Variants in AKAP11 observed in about 807,000 individuals in gnomAD.
AKAP11 encodes the protein A-kinase anchor protein 11.
AKAP11 carries 36 observed loss-of-function variants against 146.1 expected under a neutral mutation model. The ratio of observed to expected loss-of-function variants is 0.25; its 90% CI spans 0.19 to 0.33. The LOEUF is 0.33. Ranked by LOEUF, AKAP11 falls within the 10% of genes least tolerant of loss-of-function variation. AKAP11 has a pLI of 1.00. For missense variants in AKAP11, 2,201 were observed against 2,197.0 expected (o/e 1.00, Z -0.04); for synonymous variants, 780 against 786.5 (o/e 0.99, Z 0.14).
chr13:42,295,186 G>A (rs923543779), intron 4 of AKAP11, among the ~76,000 whole-genome samples: 2 of 152,308 alleles, frequency 1.3e-5, no homozygotes, highest in East Asian at 3.9e-4. Context: ...ACCATCCAAG[G>A]AAGAGAGATC....
rs1166002080 is a variant in AKAP11 at position 42,292,508 on chromosome 13, C to T, written c.168+7C>T. The stretch of plus-strand genomic sequence containing the variant: ...GCATGCCAATTTAACTGAGGTTTAA[C>T]ATACTACTTTCTAAACCCTTTCCTA... On this transcript the variant is annotated splice_region_variant and intron_variant, in intron 4 of 12. Transcript: ENST00000025301. 1 of 1,512,234 alleles carries T rather than the reference C, an allele frequency of 6.6e-7. No homozygotes were observed. The highest frequency in any genetic ancestry group is 9.1e-7 in the Non-Finnish European group (1 of 1,101,316). 93.7% of individuals were successfully genotyped at this position (1,512,234 alleles called of 1,614,324 possible).
intron 11 of AKAP11, among the ~76,000 whole-genome samples, chr13:42,314,394 G>A (rs141648947): frequency 0.021 from 3,133 of 147,382 alleles, 106 homozygotes; most frequent in African/African-American, 0.072. Context: ...GCAGTGAGCC[G>A]AGATCATGCC....
chr13:42,319,841 T>C lies in AKAP11; in HGVS notation c.*613T>C, dbSNP rs1961000966. 1.3e-5 allele frequency: 2 copies of C among 152,310 alleles called. No homozygotes were observed. Among genetic ancestry groups the C allele is most frequent in the Non-Finnish European group, 2.9e-5 (2 of 68,116 alleles). The allele number at this position is 152,310 out of a possible 1,614,324, so 9.4% of individuals were successfully genotyped here. ...TTTAGGTTTCTATAAACACTATAAG[T>C]GATAGTTTCCCCCATCCTTTCATTG... is the stretch of plus-strand genomic sequence containing the variant. On this transcript the variant is annotated 3_prime_UTR_variant, in exon 13 of 13. Transcript: ENST00000025301.
intron 11 of AKAP11, 150 bp downstream of exon 11, chr13:42,314,090 T>A: frequency 1.5e-6 from 1 of 686,020 alleles, no homozygotes; most frequent in East Asian, 2.8e-5. Context: ...GTTTGTCCAC[T>A]TTTAGATCCT....
rs879146023 is a variant in AKAP11, at chr13:42,300,720, C to T, written c.1974C>T (p.Gly658=). The T allele has an allele frequency of 6.2e-7, 1 of 1,614,076 alleles. No homozygotes were observed. The part of the protein sequence containing the change: ...ADLAEELVFE[G]IMEVCQFSYP... ...TTGCTGAAGAGCTTGTTTTTGAAGG[C>T]ATCATGGAGGTGTGTCAGTTTTCAT... The change falls in exon 8 of 13, where the codon GGC becomes GGT. Residue 658 remains glycine (G), a synonymous_variant. Coordinates refer to ENST00000025301, the MANE Select transcript of AKAP11 (RefSeq NM_016248.4).
chr13:42,302,842 C>G lies in AKAP11; in HGVS notation c.4096C>G (p.Gln1366Glu). The stretch of plus-strand genomic sequence containing the variant: ...TGGTAATAGTGAGTTGATAATGGAT[C>G]AGTATGCCAATAGGCTTGCCTACCG... ...EGGNSELIMDQYANRLAYRSV... is the reference protein window; with the variant it reads ...EGGNSELIMDEYANRLAYRSV... Residue 1366 changes from glutamine to glutamate, a missense_variant, in exon 8 of 13, where the codon CAG becomes GAG. Gln to Glu is a conservative substitution (Grantham distance 29). Coordinates refer to ENST00000025301, the MANE Select transcript of AKAP11 (RefSeq NM_016248.4). The G allele has an allele frequency of 6.2e-7, 1 of 1,613,958 alleles. No homozygotes were observed. The highest frequency in any genetic ancestry group is 8.5e-7 in the Non-Finnish European group (1 of 1,180,006).
rs1960396152 is a variant in AKAP11, at chr13:42,308,521, G to A, written c.5185G>A (p.Gly1729Ser). The stretch of plus-strand genomic sequence containing the variant: ...TAGCCAGCAGATGAACCTCAGTATT[G>A]GTGATGACAGCACTGGTAGCTGGTC... Reference protein sequence around the residue: ...VSSQQMNLSIGDDSTGSWSNL... With the variant: ...VSSQQMNLSISDDSTGSWSNL... The change falls in exon 9 of 13, where the codon GGT becomes AGT. Residue 1729 changes from glycine (G) to serine (S), a missense_variant. Around this residue, in one of 3 missense-constraint regions of AKAP11, gnomAD observed 1,867 missense variants for 1,833.5 expected, o/e 1.02. Coordinates refer to ENST00000025301, the MANE Select transcript of AKAP11 (RefSeq NM_016248.4). 1 of 1,612,964 alleles carries A rather than the reference G, an allele frequency of 6.2e-7. No homozygotes were observed. Among genetic ancestry groups the A allele is most frequent in the South Asian group, 1.1e-5 (1 of 90,988 alleles).
At chr13:42,272,753 C>T (rs1958808143) in intron 1 of AKAP11, among the ~76,000 whole-genome samples, 1 of 152,178 alleles carries the variant, frequency 6.6e-6, no homozygotes, top group African/African-American at 2.4e-5. Context: ...CGTCAAGGGG[C>T]TCCTCAGAGT....
chr13:42,275,319 A>T lies in AKAP11; in HGVS notation c.-100+3091A>T, dbSNP rs117616128. 1.2e-4 allele frequency among the ~76,000 whole-genome samples: 19 copies of T among 152,364 alleles called. No homozygotes were observed. The East Asian group carries it at 3.5e-3, about 28-fold the overall frequency. ...GATGCCAACATCAGACTCACTGACTATGCAACATGGTTCTCAGCAAACATC... is the reference window on the plus strand; with the variant it reads ...GATGCCAACATCAGACTCACTGACTTTGCAACATGGTTCTCAGCAAACATC... On this transcript the variant is annotated intron_variant, in intron 1 of 12. Transcript: ENST00000025301.
At position 42,288,736 on chromosome 13, in the gene AKAP11, A is replaced by C. The variant is rs117325181; in HGVS notation, c.51+2337A>C. On this transcript the variant is annotated intron_variant, in intron 3 of 12. Transcript: ENST00000025301. ...AAGAATTTTTCCTTTTTTTCTTTATATTCAATTCTGACATCTTGAATAGGC... is the reference window on the plus strand; with the variant it reads ...AAGAATTTTTCCTTTTTTTCTTTATCTTCAATTCTGACATCTTGAATAGGC... Among the ~76,000 whole-genome samples, 648 of 152,230 alleles carry C rather than the reference A, an allele frequency of 4.3e-3. 13 individuals carry two copies. In the East Asian group the frequency reaches 0.046, roughly 11 times the overall value.
Position 42,319,447 on chromosome 13 carries a change from C to T in AKAP11, c.*219C>T. On this transcript the variant is annotated 3_prime_UTR_variant, in exon 13 of 13. Coordinates refer to ENST00000025301, the MANE Select transcript of AKAP11 (RefSeq NM_016248.4). ...CTACCTTCATTTATTCTTCTATACA[C>T]ATGTGTAGTGTGTCAAGACCCTAAG... 1 of 557,270 alleles carries T rather than the reference C, an allele frequency of 1.8e-6. No individual in the cohort carries two copies. The highest frequency in any genetic ancestry group is 2.7e-5 in the South Asian group (1 of 36,522). 34.5% of individuals were successfully genotyped at this position (557,270 alleles called of 1,614,324 possible).
intron 4 of AKAP11, among the ~76,000 whole-genome samples, chr13:42,292,710 A>G (rs1362556757): frequency 6.6e-6 from 1 of 152,218 alleles, no homozygotes; most frequent in East Asian, 1.9e-4. Flanking sequence ...TTAATTGACA[A>G]TGAACTCAAA....
In AKAP11 at chr13:42,313,931, G is replaced by C; in HGVS notation, c.5395G>C (p.Glu1799Gln). 3 of 1,613,552 alleles carry C rather than the reference G, an allele frequency of 1.9e-6. No individual in the cohort carries two copies. The highest frequency in any genetic ancestry group is 2.5e-6 in the Non-Finnish European group (3 of 1,179,652). ...TGATAAAGATGAAGAGCATGAGGACGAAGTAGAAGGTAATTTGATTTGTTT... is the reference window on the plus strand; with the variant it reads ...TGATAAAGATGAAGAGCATGAGGACCAAGTAGAAGGTAATTTGATTTGTTT... Reference protein sequence around the residue: ...PDDKDEEHEDEVEGLGQDGKT... With the variant: ...PDDKDEEHEDQVEGLGQDGKT... The change falls in exon 11 of 13, where the codon GAA becomes CAA. Residue 1799 changes from glutamate (E) to glutamine (Q), a missense_variant. Glu to Gln is a conservative substitution (Grantham distance 29). This residue lies in a region of AKAP11 where 1,867 missense variants were observed against 1,833.5 expected (regional missense o/e 1.02). Transcript: ENST00000025301.
chr13:42,278,243 A>G (rs562015110), intron 1 of AKAP11, among the ~76,000 whole-genome samples: 2 of 152,250 alleles, frequency 1.3e-5, no homozygotes, highest in Non-Finnish European at 2.9e-5. Context: ...AAAGAAGCAA[A>G]TATCTTAATA....
rs1300581503 is a variant in AKAP11 at position 42,298,792 on chromosome 13, A to G, written c.611A>G (p.Asn204Ser). The G allele has an allele frequency of 7.1e-6, 11 of 1,549,070 alleles. No homozygotes were observed. Among genetic ancestry groups the G allele is most frequent in the East Asian group, 2.4e-5 (1 of 41,948 alleles). Residue 204 changes from asparagine (N) to serine (S), a missense_variant, in exon 7 of 13, where the codon AAT becomes AGT. Coordinates refer to ENST00000025301, the MANE Select transcript of AKAP11 (RefSeq NM_016248.4). ...LEEEETSKPY[N>S]DGMNITVLRS... ...GAGGAAGAGACTTCAAAGCCATACAATGATGGTTTGTTTTTCATTAGACTT... is the reference window on the plus strand; with the variant it reads ...GAGGAAGAGACTTCAAAGCCATACAGTGATGGTTTGTTTTTCATTAGACTT...
chr13:42,300,620 C>T lies in AKAP11; in HGVS notation c.1874C>T (p.Ser625Leu). ...AACTTTTTGGTGAGTGAAGCTTTAT[C>T]AAATGCCTTAAAAGATTTACAGTAT... is the stretch of plus-strand genomic sequence containing the variant. ...LANFLVSEAL[S>L]NALKDLQYVK... is the part of the protein sequence containing the mutation. Residue 625 changes from serine to leucine, a missense_variant, in exon 8 of 13, where the codon TCA (serine) becomes TTA (leucine). Ser to Leu is a moderately radical substitution (Grantham distance 145). Transcript: ENST00000025301. 2 of 1,614,016 alleles carry T rather than the reference C, an allele frequency of 1.2e-6. No homozygotes were observed. Among genetic ancestry groups the T allele is most frequent in the Non-Finnish European group, 1.7e-6 (2 of 1,179,914 alleles).
intron 9 of AKAP11, 69 bp from the exon 10 acceptor site, chr13:42,312,978 C>A (rs1481089884): frequency 7.6e-7 from 1 of 1,317,334 alleles, no homozygotes; most frequent in Non-Finnish European, 1.1e-6. Context: ...AGAAGCTGTT[C>A]CGAGGAAACA....
intron 4 of AKAP11, among the ~76,000 whole-genome samples, chr13:42,293,232 C>A (rs555927124): frequency 6.6e-6 from 1 of 152,140 alleles, no homozygotes; most frequent in African/African-American, 2.4e-5. Flanking sequence ...GACTTATGAT[C>A]GAGTTACATC....
In AKAP11 at chr13:42,301,602, T is replaced by C. The variant is rs1339911214; in HGVS notation, c.2856T>C (p.Asp952=). The C allele has an allele frequency of 6.2e-7, 1 of 1,614,102 alleles. No individual in the cohort carries two copies. The highest frequency in any genetic ancestry group is 1.1e-5 in the South Asian group (1 of 91,072). ...LSKSIIKHSI[D]KSKSVIPNID... is the part of the protein sequence containing the mutation. ...AATCTATTATTAAACATTCCATAGA[T>C]AAGAGCAAATCAGTGATCCCAAATA... The change falls in exon 8 of 13, where the codon GAT becomes GAC. Residue 952 remains aspartate (D), a synonymous_variant. Transcript: ENST00000025301.
Sources: allele counts gnomAD v4.1 joint callset (sites outside exome capture counted in the v4.1 genomes callset), GRCh38; gene constraint gnomAD v4.1.1; regional missense constraint gnomAD v4.1.1; transcripts MANE v1.5; gene names NCBI Gene and HGNC (gene_info 2026-07-23, HGNC 2026-07-21).